The following SRPK2 variants were observed in gnomAD, a reference collection of about 807,000 sequenced individuals.
The protein encoded by SRPK2 is SRSF protein kinase 2, also known as SFRS protein kinase 2.
In SRPK2, 21 loss-of-function variants were observed where a neutral mutation model predicts 90.8. The observed-to-expected ratio is 0.23, with a 90% CI of 0.16 to 0.33. The LOEUF (loss-of-function observed/expected upper bound fraction) is 0.33. SRPK2 is among the 10% of genes least tolerant of loss of function. SRPK2 has a pLI of 1.00. For missense variants in SRPK2, 620 were observed against 869.0 expected (o/e 0.71, Z 3.60); for synonymous variants, 288 against 311.1 (o/e 0.93, Z 0.78).
At chr7:105,238,287 G>A (rs141021310) in intron 2 of SRPK2, among the ~76,000 whole-genome samples, 2 of 152,280 alleles carry the variant, frequency 1.3e-5, no homozygotes, top group East Asian at 1.9e-4. Context: ...ATCATCCCTT[G>A]GGTGAGAAAA....
intron 1 of SRPK2, among the ~76,000 whole-genome samples, chr7:105,397,518 C>G (rs1563330024): frequency 6.6e-6 from 1 of 151,468 alleles, no homozygotes; most frequent in Non-Finnish European, 1.5e-5. Context: ...TTTTTAGAGA[C>G]GGGGTTTCAC....
chr7:105,184,468 C>T (rs997152181), intron 3 of SRPK2, among the ~76,000 whole-genome samples: 1 of 152,256 alleles, frequency 6.6e-6, no homozygotes, highest in East Asian at 1.9e-4. Flanking sequence ...CTAGTTAAGA[C>T]GCTTAATAGT....
intron 2 of SRPK2, among the ~76,000 whole-genome samples, chr7:105,246,283 C>G (rs1005539850): frequency 6.6e-6 from 1 of 152,134 alleles, no homozygotes; most frequent in Non-Finnish European, 1.5e-5. Flanking sequence ...TATTTATTCC[C>G]TCCCCCTCAC....
In SRPK2 at chr7:105,246,727, TA is replaced by T. The variant is rs536032269; in HGVS notation, c.72-42943del. On this transcript the variant is annotated intron_variant, in intron 2 of 15. Transcript: ENST00000393651. ...GAAACCTTTTCTATTAAAGCATATATATTTTTTTTCAGTGCCAAATACTGAA... is the reference window on the plus strand; with the variant it reads ...GAAACCTTTTCTATTAAAGCATATATTTTTTTTTCAGTGCCAAATACTGAA... Among the ~76,000 whole-genome samples, 626 of 152,352 alleles carry T rather than the reference TA, an allele frequency of 4.1e-3. 4 individuals carry two copies. The highest frequency in any genetic ancestry group is 0.019 in the South Asian group (91 of 4,824).
At chr7:105,205,515 TCTCACACACACA>T (rs745893725) in intron 2 of SRPK2, among the ~76,000 whole-genome samples, 19,459 of 110,446 alleles carry the variant, frequency 0.18, 1,737 homozygotes, top group Non-Finnish European at 0.23. Context: ...TCTCTCTCTC[TCTCACACACACA>T]CACACACACA....
intron 2 of SRPK2, among the ~76,000 whole-genome samples, chr7:105,242,157 C>T (rs903855564): frequency 6.6e-6 from 1 of 152,180 alleles, no homozygotes; most frequent in African/African-American, 2.4e-5. Flanking sequence ...ACCCTTCAAC[C>T]TTAGAGCTCT....
intron 14 of SRPK2, 105 bp downstream of exon 14, chr7:105,126,888 A>G: frequency 8.5e-7 from 1 of 1,173,528 alleles, no homozygotes; most frequent in Non-Finnish European, 1.2e-6. Context: ...GGTGTTTGAA[A>G]ACCAAACACA....
At chr7:105,359,760 A>G (rs926480044) in intron 2 of SRPK2, among the ~76,000 whole-genome samples, 5 of 152,138 alleles carry the variant, frequency 3.3e-5, no homozygotes, top group Admixed American at 2.6e-4. Flanking sequence ...CTTTTTTGCC[A>G]TATCTACAAT....
intron 7 of SRPK2, among the ~76,000 whole-genome samples, chr7:105,152,138 T>C (rs957671550): frequency 4.6e-5 from 7 of 152,040 alleles, no homozygotes; most frequent in African/African-American, 1.7e-4. Flanking sequence ...GATTCCATAA[T>C]TTAATTTTGA....
At chr7:105,312,272 T>G (rs1811790383) in intron 2 of SRPK2, among the ~76,000 whole-genome samples, 1 of 151,884 alleles carries the variant, frequency 6.6e-6, no homozygotes, top group Non-Finnish European at 1.5e-5. Flanking sequence ...AAACTACGTC[T>G]CTACTAAAAA....
chr7:105,365,397 A>C (rs1302125897), intron 2 of SRPK2, among the ~76,000 whole-genome samples: 1 of 150,846 alleles, frequency 6.6e-6, no homozygotes, highest in Non-Finnish European at 1.5e-5. Flanking sequence ...GAGGCAGGAG[A>C]ATCGCTTGAA....
chr7:105,291,997 C>T lies in SRPK2; in HGVS notation c.72-88212G>A, dbSNP rs186040290. On this transcript the variant is annotated intron_variant, in intron 2 of 15. Transcript: ENST00000393651. ...AGATGTGCCAAAGCAAAATGGAATG[C>T]TGTTTATCCCAAAATGATGGCCTAG... Among the ~76,000 whole-genome samples the T allele has an allele frequency of 1.6e-4, 25 of 152,168 alleles. No individual in the cohort carries two copies. In the East Asian group the frequency reaches 4.8e-3, roughly 29 times the overall value.
intron 7 of SRPK2, 164 bp downstream of exon 7, chr7:105,160,343 A>T (rs1055114286): frequency 4.7e-6 from 2 of 427,610 alleles, no homozygotes; most frequent in Non-Finnish European, 8.4e-6. Flanking sequence ...CTGACTTAAT[A>T]AGAGTTCAAA....
rs1810624695 is a variant in SRPK2 at position 105,302,135 on chromosome 7, G to A, written c.71+86513C>T. 9.0e-6 allele frequency: 12 copies of A among 1,338,822 alleles called. No homozygotes were observed. In the Admixed American group the frequency reaches 1.4e-4, roughly 15 times the overall value. The allele number at this position is 1,338,822 out of a possible 1,614,324, so 82.9% of individuals were successfully genotyped here. A position where few individuals can be genotyped will look rare whatever the true frequency, so the allele number is the denominator to read the frequency against. The stretch of plus-strand genomic sequence containing the variant: ...AGAGCATTCTTTAAAAAGTAAAACT[G>A]GGTTCAAAATCTTTCATTACCATTT... On this transcript the variant is annotated intron_variant, in intron 2 of 15. Coordinates refer to ENST00000393651, the MANE Select transcript of SRPK2 (RefSeq NM_182692.3).
intron 15 of SRPK2, among the ~76,000 whole-genome samples, chr7:105,119,275 G>A (rs1004828865): frequency 3.9e-5 from 6 of 152,086 alleles, no homozygotes; most frequent in Non-Finnish European, 1.5e-5. Flanking sequence ...GTGTTCTCAG[G>A]AGGCTTGTTC....
intron 2 of SRPK2, among the ~76,000 whole-genome samples, chr7:105,241,545 T>C (rs1315406001): frequency 1.3e-5 from 2 of 152,196 alleles, no homozygotes; most frequent in Non-Finnish European, 1.5e-5. Context: ...TTATCATCTT[T>C]ATTATAAGGA....
chr7:105,372,377 A>G (rs899671949), intron 2 of SRPK2, among the ~76,000 whole-genome samples: 4 of 152,220 alleles, frequency 2.6e-5, no homozygotes, highest in African/African-American at 9.6e-5. Flanking sequence ...TGACTATTTC[A>G]TGTATATCCA....
intron 2 of SRPK2, among the ~76,000 whole-genome samples, chr7:105,300,438 C>T (rs569469824): frequency 6.6e-6 from 1 of 151,942 alleles, no homozygotes. Flanking sequence ...CTTATGGAAA[C>T]AGAAGAATAG....
chr7:105,360,676 G>C (rs1818324548), intron 2 of SRPK2, among the ~76,000 whole-genome samples: 1 of 152,132 alleles, frequency 6.6e-6, no homozygotes, highest in African/African-American at 2.4e-5. Context: ...ATTCTTTTAA[G>C]AATGCTGAAT....
Sources: allele counts gnomAD v4.1 joint callset (sites outside exome capture counted in the v4.1 genomes callset), GRCh38; gene constraint gnomAD v4.1.1; transcripts MANE v1.5; gene names NCBI Gene and HGNC (gene_info 2026-07-23, HGNC 2026-07-21).